The following RAB38 variants were observed in gnomAD, a reference collection of about 807,000 sequenced individuals.
The protein encoded by RAB38 is ras-related protein Rab-38.
In RAB38, 15 loss-of-function variants were observed where a neutral mutation model predicts 18.4. The observed-to-expected ratio is 0.82, with a 90% CI of 0.55 to 1.26. The LOEUF is 1.26. Among genes scored for constraint, RAB38 ranks in the 50% most tolerant of loss-of-function variants. The probability of loss-of-function intolerance (pLI) is 0.00; values close to 1 mark genes in which losing one functional copy is unlikely to be tolerated. For synonymous variants in RAB38, 101 were observed against 104.4 expected, an observed-to-expected ratio of 0.97 and a Z score of 0.20; for missense variants, 294 against 267.4, an observed-to-expected ratio of 1.10 and a Z score of -0.69.
the RAB38 span, among the ~76,000 whole-genome samples, chr11:87,976,588 A>G: frequency 2.7e-5 from 3 of 112,200 alleles, no homozygotes; most frequent in Non-Finnish European, 5.2e-5. Context: ...TATATATTTT[A>G]TATACTGTCT....
the RAB38 span, among the ~76,000 whole-genome samples, chr11:87,829,884 T>G: frequency 2.0e-5 from 3 of 152,126 alleles, no homozygotes; most frequent in Non-Finnish European, 4.4e-5. Flanking sequence ...ATCAAATATC[T>G]TCATGAAGCA....
intron 2 of RAB38, among the ~76,000 whole-genome samples, chr11:88,141,684 G>A (rs571641240): frequency 2.0e-5 from 3 of 152,212 alleles, no homozygotes; most frequent in Admixed American, 6.5e-5. Context: ...TTGACATACC[G>A]CAAAGCTTTG....
chr11:87,974,876 A>T, the RAB38 span, among the ~76,000 whole-genome samples: 30 of 152,012 alleles, frequency 2.0e-4, no homozygotes, highest in South Asian at 4.1e-4. Context: ...AGAGCAACGA[A>T]TTCATTTCCT....
chr11:87,931,307 T>C, the RAB38 span, among the ~76,000 whole-genome samples: 2 of 152,050 alleles, frequency 1.3e-5, no homozygotes, highest in East Asian at 3.9e-4. Flanking sequence ...GCAAGTTGGT[T>C]TGGGTTGTCT....
At chr11:88,086,620 C>G in the RAB38 span, among the ~76,000 whole-genome samples, 1 of 151,980 alleles carries the variant, frequency 6.6e-6, no homozygotes, top group South Asian at 2.1e-4. Flanking sequence ...TTAGATTGAT[C>G]AATCAAATGA....
intron 2 of RAB38, among the ~76,000 whole-genome samples, chr11:88,128,552 G>C (rs1942732264): frequency 2.6e-5 from 4 of 152,146 alleles, no homozygotes. Flanking sequence ...GGTTACTCCA[G>C]GAACTTTAGA....
At chr11:87,910,471 A>G in the RAB38 span, among the ~76,000 whole-genome samples, 1 of 151,996 alleles carries the variant, frequency 6.6e-6, no homozygotes, top group East Asian at 1.9e-4. Context: ...GATAAAGTCA[A>G]ATTTTTTAAT....
chr11:87,931,310 G>A, the RAB38 span, among the ~76,000 whole-genome samples: 1 of 152,002 alleles, frequency 6.6e-6, no homozygotes, highest in Non-Finnish European at 1.5e-5. Context: ...AGTTGGTTTG[G>A]GTTGTCTATT....
chr11:87,856,836 T>C, the RAB38 span, among the ~76,000 whole-genome samples: 2 of 152,154 alleles, frequency 1.3e-5, no homozygotes, highest in African/African-American at 2.4e-5. Flanking sequence ...CTGTACTTGA[T>C]TGAGGCAGGT....
the RAB38 span, among the ~76,000 whole-genome samples, chr11:87,829,834 TG>T: frequency 6.6e-6 from 1 of 152,188 alleles, no homozygotes; most frequent in Non-Finnish European, 1.5e-5. Context: ...TCCCTACTTC[TG>T]AAATTTCAAC....
the RAB38 span, among the ~76,000 whole-genome samples, chr11:87,955,619 CTTAAA>C: frequency 1.3e-5 from 2 of 152,066 alleles, no homozygotes; most frequent in African/African-American, 4.8e-5. Flanking sequence ...ATAAGCCAAA[CTTAAA>C]TGAATAAAAT....
At chr11:88,034,396 G>C in the RAB38 span, among the ~76,000 whole-genome samples, 229 of 152,296 alleles carry the variant, frequency 1.5e-3, 2 homozygotes, top group Admixed American at 6.4e-3. Context: ...GGTTTACAGT[G>C]GTTGTATGTT....
At chr11:88,104,270 T>C in the RAB38 span, among the ~76,000 whole-genome samples, 1 of 151,402 alleles carries the variant, frequency 6.6e-6, no homozygotes, top group Non-Finnish European at 1.5e-5. Flanking sequence ...GATCTCCTTT[T>C]ACTAGTTATT....
the RAB38 span, among the ~76,000 whole-genome samples, chr11:88,022,079 A>G: frequency 1.3e-5 from 2 of 152,060 alleles, no homozygotes; most frequent in East Asian, 3.9e-4. Context: ...TCTCTGATGA[A>G]TGATGGTGCA....
the RAB38 span, among the ~76,000 whole-genome samples, chr11:87,849,409 C>A: frequency 6.6e-6 from 1 of 152,116 alleles, no homozygotes; most frequent in Non-Finnish European, 1.5e-5. Context: ...GTTTGCTCAG[C>A]GCTGACTGCT....
At chr11:88,160,910 C>T (rs755440365) in intron 1 of RAB38, among the ~76,000 whole-genome samples, 30 of 152,008 alleles carry the variant, frequency 2.0e-4, no homozygotes, top group African/African-American at 7.0e-4. Context: ...ATCATTTGTA[C>T]CCCAAAGCTC....
downstream of RAB38, among the ~76,000 whole-genome samples, chr11:88,112,519 A>G (rs146003502): frequency 1.2e-3 from 185 of 152,294 alleles, 1 homozygote; most frequent in African/African-American, 4.4e-3. Flanking sequence ...CAGAGTTGTA[A>G]GAGGCCAAGC....
At chr11:87,965,281 A>G in the RAB38 span, among the ~76,000 whole-genome samples, 1 of 106,520 alleles carries the variant, frequency 9.4e-6, no homozygotes, top group African/African-American at 3.5e-5. Context: ...TCATCTGTTA[A>G]TGTGTCTCAA....
chr11:88,097,741 T>C, the RAB38 span, among the ~76,000 whole-genome samples: 1 of 151,836 alleles, frequency 6.6e-6, no homozygotes, highest in African/African-American at 2.4e-5. Flanking sequence ...CCTACACAAG[T>C]AGAAGTCCTA....
Sources: allele counts gnomAD v4.1 joint callset (sites outside exome capture counted in the v4.1 genomes callset), GRCh38; gene constraint gnomAD v4.1.1; transcripts MANE v1.5; gene names NCBI Gene and HGNC (gene_info 2026-07-23, HGNC 2026-07-21).